Variants in R3HDM2 observed in about 807,000 individuals in gnomAD.
R3HDM2 encodes R3H domain containing 2, also known as R3H domain-containing protein 2.
A neutral mutation model predicts 124.5 loss-of-function variants in R3HDM2; 38 were observed. The ratio of observed to expected loss-of-function variants is 0.31; its 90% confidence interval spans 0.24 to 0.40. The LOEUF (loss-of-function observed/expected upper bound fraction) is 0.40, where lower values mean the gene tolerates loss of function less well. Among genes scored for constraint, R3HDM2 ranks in the 10% least tolerant of loss-of-function variants. The pLI, the probability that R3HDM2 is intolerant of heterozygous loss-of-function variation, is 1.00. For missense variants in R3HDM2, 869 were observed against 1,236.9 expected (o/e 0.70, Z 4.46); for synonymous variants, 391 against 448.0 (o/e 0.87, Z 1.61).
intron 2 of R3HDM2, among the ~76,000 whole-genome samples, chr12:57,325,931 G>A (rs547278442): frequency 2.0e-5 from 3 of 152,014 alleles, no homozygotes; most frequent in Admixed American, 1.3e-4. Context: ...CCAACAGCAT[G>A]TGTTCACTTC....
At chr12:57,330,061 G>A (rs1479430563) in intron 2 of R3HDM2, among the ~76,000 whole-genome samples, 1 of 152,088 alleles carries the variant, frequency 6.6e-6, no homozygotes, top group Non-Finnish European at 1.5e-5. Flanking sequence ...CCGCCTCCCG[G>A]GTTTAAGTGA....
chr12:57,340,990 C>T (rs1300229886), intron 2 of R3HDM2, among the ~76,000 whole-genome samples: 1 of 151,882 alleles, frequency 6.6e-6, no homozygotes, highest in East Asian at 1.9e-4. Flanking sequence ...CTACATACAT[C>T]AAAATTAGAA....
rs747940340 is a variant in R3HDM2 at position 57,370,321 on chromosome 12, C to T, written c.-36+25428G>A. On this transcript the variant is annotated intron_variant, in intron 2 of 23. Transcript: ENST00000402412. ...GTTTCCTGAGGCCTCCCCAGGCACG[C>T]GGAACTTCCTGTGAGCCAATTAAAC... Among the ~76,000 whole-genome samples, 4 of 150,380 alleles carry T rather than the reference C, an allele frequency of 2.7e-5. No homozygotes were observed. In the South Asian group the frequency reaches 6.3e-4, roughly 24 times the overall value.
intron 2 of R3HDM2, among the ~76,000 whole-genome samples, chr12:57,354,672 T>C (rs2061059968): frequency 6.6e-6 from 1 of 152,134 alleles, no homozygotes; most frequent in African/African-American, 2.4e-5. Flanking sequence ...GGCCGAGTGT[T>C]TGTTCACATC....
Position 57,289,020 on chromosome 12 carries a change from T to C in R3HDM2, c.927A>G (p.Leu309=), listed in dbSNP as rs908823084. Residue 309 remains leucine, a synonymous_variant, in exon 12 of 24, where the codon CTA becomes CTG. Coordinates refer to ENST00000402412, the MANE Select transcript of R3HDM2 (RefSeq NM_001394031.1). The stretch of plus-strand genomic sequence containing the variant: ...TAAGTGGTACTAACCTGATGTCATT[T>C]AGATATCCGTTCTGGCCAGTCTAGG... ...FARETGQNGY[L]NDIRGNREGL... is the part of the protein sequence containing the mutation. 6.5e-7 allele frequency: 1 copy of C among 1,550,188 alleles called. No individual in the cohort carries two copies. Among genetic ancestry groups the C allele is most frequent in the African/African-American group, 1.4e-5 (1 of 73,126 alleles).
intron 2 of R3HDM2, among the ~76,000 whole-genome samples, chr12:57,355,865 G>A (rs2137387872): frequency 6.6e-6 from 1 of 152,296 alleles, no homozygotes; most frequent in East Asian, 1.9e-4. Flanking sequence ...TACATGGTAT[G>A]TTTTGTCAAT....
chr12:57,345,986 C>A (rs1018628805), intron 2 of R3HDM2, among the ~76,000 whole-genome samples: 3 of 152,068 alleles, frequency 2.0e-5, no homozygotes, highest in African/African-American at 7.2e-5. Flanking sequence ...ACGGTGAAAC[C>A]CAACCTCTAC....
intron 12 of R3HDM2, chr12:57,288,723 A>G (rs549192492): frequency 2.7e-6 from 2 of 746,532 alleles, no homozygotes; most frequent in Non-Finnish European, 2.2e-6. Flanking sequence ...AAAATATCCA[A>G]TGTTGCAAAA....
At chr12:57,339,428 G>A (rs2059277217) in intron 2 of R3HDM2, among the ~76,000 whole-genome samples, 2 of 152,142 alleles carry the variant, frequency 1.3e-5, no homozygotes, top group South Asian at 4.1e-4. Flanking sequence ...CTTGGCAGAT[G>A]TGGTGGCTCA....
chr12:57,276,089 T>C (rs1396494055), intron 14 of R3HDM2, among the ~76,000 whole-genome samples: 1 of 151,818 alleles, frequency 6.6e-6, no homozygotes, highest in Non-Finnish European at 1.5e-5. Flanking sequence ...TGGTGGCGGT[T>C]GCCTGTAGTC....
intron 2 of R3HDM2, among the ~76,000 whole-genome samples, chr12:57,350,412 A>C (rs2060561103): frequency 6.6e-6 from 1 of 152,116 alleles, no homozygotes; most frequent in African/African-American, 2.4e-5. Context: ...AGCTTACATG[A>C]GTGAAGAGAG....
At chr12:57,428,472 TACAAA>T (rs1227640188) in intron 1 of R3HDM2, among the ~76,000 whole-genome samples, 1 of 110,536 alleles carries the variant, frequency 9.0e-6, no homozygotes, top group African/African-American at 3.4e-5. Context: ...CTACTAAAAA[TACAAA>T]ACATTAGCCG....
intron 2 of R3HDM2, among the ~76,000 whole-genome samples, chr12:57,347,245 TA>T (rs1311459326): frequency 1.3e-4 from 19 of 146,350 alleles, no homozygotes; most frequent in Non-Finnish European, 2.0e-4. Flanking sequence ...GACCCCATCT[TA>T]AAAAAAAAAA....
intron 1 of R3HDM2, among the ~76,000 whole-genome samples, chr12:57,399,326 C>T (rs1468435351): frequency 6.6e-6 from 1 of 151,984 alleles, no homozygotes; most frequent in African/African-American, 2.4e-5. Context: ...TGCTTGAACC[C>T]GAGAGGTGGA....
chr12:57,364,929 G>A (rs1222659619), intron 2 of R3HDM2, among the ~76,000 whole-genome samples: 2 of 139,154 alleles, frequency 1.4e-5, no homozygotes, highest in Non-Finnish European at 3.1e-5. Flanking sequence ...CTCCAGCCTG[G>A]GTGACAGAGT....
intron 14 of R3HDM2, chr12:57,272,426 G>A (rs1389171781): frequency 6.6e-7 from 1 of 1,524,374 alleles, no homozygotes; most frequent in East Asian, 2.5e-5. Flanking sequence ...ACATGAACAA[G>A]ACAAAAAGGG....
At chr12:57,274,388 C>T (rs530928756) in intron 14 of R3HDM2, among the ~76,000 whole-genome samples, 5 of 152,242 alleles carry the variant, frequency 3.3e-5, no homozygotes, top group Middle Eastern at 3.4e-3. Flanking sequence ...GCAGGAGAAT[C>T]GCTTGAACCT....
rs529761748 is a variant in R3HDM2 at position 57,410,375 on chromosome 12, G to A, written c.-105-14557C>T. Among the ~76,000 whole-genome samples the A allele has an allele frequency of 4.2e-5, 6 of 144,326 alleles. No homozygotes were observed. In the South Asian group the frequency reaches 1.1e-3, roughly 27 times the overall value. 94.7% of individuals were successfully genotyped at this position (144,326 alleles called of 152,430 possible). ...TTTCATGAACAGCTAAACATACATG[G>A]AATTACTAAGGTTCTCCTCAAAGTA... On this transcript the variant is annotated intron_variant, in intron 1 of 23. Coordinates refer to ENST00000402412, the MANE Select transcript of R3HDM2 (RefSeq NM_001394031.1).
intron 2 of R3HDM2, among the ~76,000 whole-genome samples, chr12:57,356,990 C>G (rs2061370610): frequency 6.6e-6 from 1 of 152,000 alleles, no homozygotes; most frequent in South Asian, 2.1e-4. Context: ...ATAGTACCAG[C>G]TACTCGGGAG....
Sources: allele counts gnomAD v4.1 joint callset (sites outside exome capture counted in the v4.1 genomes callset), GRCh38; gene constraint gnomAD v4.1.1; transcripts MANE v1.5; gene names NCBI Gene and HGNC (gene_info 2026-07-23, HGNC 2026-07-21).